Variants in RAI1 observed in about 807,000 individuals in gnomAD.
RAI1 encodes the protein retinoic acid induced 1.
A neutral mutation model predicts 123.8 loss-of-function variants in RAI1; 9 were observed. The ratio of observed to expected loss-of-function variants is 0.07; its 90% CI spans 0.04 to 0.13. RAI1 has a LOEUF of 0.13. RAI1 is among the 10% of genes least tolerant of loss of function. The probability of loss-of-function intolerance (pLI) is 1.00; values close to 1 mark genes in which losing one functional copy is unlikely to be tolerated. For missense variants in RAI1, 2,256 were observed against 2,545.8 expected (o/e 0.89, Z 2.45); for synonymous variants, 1,231 against 1,127.3 (o/e 1.09, Z -1.84).
At chr17:17,762,908 C>T (rs1201185443) in intron 2 of RAI1, among the ~76,000 whole-genome samples, 6 of 152,052 alleles carry the variant, frequency 3.9e-5, no homozygotes, top group Non-Finnish European at 5.9e-5. Flanking sequence ...GGGGCTGGCC[C>T]GATGATTGGC....
At chr17:17,745,405 TTG>T (rs112938506) in intron 2 of RAI1, among the ~76,000 whole-genome samples, 68 of 147,516 alleles carry the variant, frequency 4.6e-4, no homozygotes, top group African/African-American at 1.2e-3. Context: ...TTGAAGGCTT[TTG>T]TGTGTGTGTG....
rs2032281982 is a variant in RAI1, at chr17:17,796,959, C to G, written c.4011C>G (p.Thr1337=). Residue 1337 remains threonine, a synonymous_variant, in exon 3 of 6, where the codon ACC becomes ACG. Coordinates refer to ENST00000353383, the MANE Select transcript of RAI1 (RefSeq NM_030665.4). This position sits in a 1 kb window ranked among gnomAD's most constrained non-coding sequence, Gnocchi z 5.8. ...TGGAAGCCATCGTGCAGAAGATCAC[C>G]TCGCCCAGCCTCAAGAAGTTCGCAT... ...LKLEAIVQKI[T]SPSLKKFACK... is the part of the protein sequence containing the mutation. The G allele has an allele frequency of 6.2e-7, 1 of 1,613,736 alleles. No individual in the cohort carries two copies. Among genetic ancestry groups the G allele is most frequent in the African/African-American group, 1.3e-5 (1 of 75,044 alleles).
intron 1 of RAI1, among the ~76,000 whole-genome samples, chr17:17,717,464 G>C (rs560666585): frequency 3.2e-4 from 48 of 152,246 alleles, no homozygotes; most frequent in Non-Finnish European, 3.8e-4. Context: ...TGCTTCCCAA[G>C]TGAGACTGAG....
chr17:17,735,220 T>A (rs1037811153), intron 2 of RAI1, among the ~76,000 whole-genome samples: 1 of 150,718 alleles, frequency 6.6e-6, no homozygotes, highest in East Asian at 2.0e-4. Context: ...GCCCAGCTAA[T>A]ATTTTGTATT....
At chr17:17,743,427 C>T (rs1182971561) in intron 2 of RAI1, among the ~76,000 whole-genome samples, 2 of 152,228 alleles carry the variant, frequency 1.3e-5, no homozygotes, top group African/African-American at 4.8e-5. Context: ...TACTATATGC[C>T]AGGCCCCCAG....
At chr17:17,719,479 G>A (rs1467940390) in intron 1 of RAI1, among the ~76,000 whole-genome samples, 1 of 152,190 alleles carries the variant, frequency 6.6e-6, no homozygotes, top group African/African-American at 2.4e-5. Context: ...TCTGTCAAGT[G>A]TGTTCTCAAA....
chr17:17,764,539 C>G (rs2030842291), intron 2 of RAI1, among the ~76,000 whole-genome samples: 4 of 146,852 alleles, frequency 2.7e-5, no homozygotes, highest in African/African-American at 1.0e-4. Flanking sequence ...GTGGTGCGAT[C>G]TCGCCTCACT....
rs1310156716 is a variant in RAI1 at position 17,799,307 on chromosome 17, C to CA, written c.5565+795dup. 6.6e-6 allele frequency among the ~76,000 whole-genome samples: 1 copy of CA among 152,160 alleles called. No individual in the cohort carries two copies. Among genetic ancestry groups the CA allele is most frequent in the African/African-American group, 2.4e-5 (1 of 41,414 alleles). On this transcript the variant is annotated intron_variant, in intron 3 of 5. Coordinates refer to ENST00000353383, the MANE Select transcript of RAI1 (RefSeq NM_030665.4). This position sits in a 1 kb window ranked among gnomAD's most constrained non-coding sequence, Gnocchi z 4.5. ...GGTGGGCACCTCTGAGCCCACCGAG[C>CA]ACAGCAGCCCTGTGATAGTCAGTGC...
rs1018459821 is a variant in RAI1, at chr17:17,810,924, A to G, written c.*943A>G. 1 of 374,180 alleles carries G rather than the reference A, an allele frequency of 2.7e-6. No individual in the cohort carries two copies. Among genetic ancestry groups the G allele is most frequent in the African/African-American group, 2.1e-5 (1 of 46,722 alleles). 23.2% of individuals were successfully genotyped at this position (374,180 alleles called of 1,614,324 possible). A position where few individuals can be genotyped will look rare whatever the true frequency, so the allele number is the denominator to read the frequency against. ...GTGTACCCCTCTATATATATGTTAC[A>G]TAGAATGTATATATGTTGGGAACAT... On this transcript the variant is annotated 3_prime_UTR_variant, in exon 6 of 6. Transcript: ENST00000353383. This position sits in a 1 kb window ranked among gnomAD's most constrained non-coding sequence, Gnocchi z 4.6.
chr17:17,734,657 G>A (rs761574495), intron 2 of RAI1, among the ~76,000 whole-genome samples: 1 of 152,202 alleles, frequency 6.6e-6, no homozygotes, highest in African/African-American at 2.4e-5. Flanking sequence ...TGTCAGGGAC[G>A]GACCTGGTGC....
intron 1 of RAI1, among the ~76,000 whole-genome samples, chr17:17,683,183 A>T (rs1379896271): frequency 2.0e-5 from 3 of 152,150 alleles, no homozygotes; most frequent in Non-Finnish European, 4.4e-5. Context: ...CCTCGCGCTG[A>T]CGTCAGAGCA....
At chr17:17,740,120 G>A in intron 2 of RAI1, among the ~76,000 whole-genome samples, 1 of 152,234 alleles carries the variant, frequency 6.6e-6, no homozygotes, top group African/African-American at 2.4e-5. Flanking sequence ...CCCGCATGGG[G>A]TAAGCCCTGT....
At chr17:17,778,105 CCT>C (rs1041107800) in intron 2 of RAI1, 6 of 152,754 alleles carry the variant, frequency 3.9e-5, no homozygotes, top group East Asian at 1.9e-4. Flanking sequence ...CTGCAGAACC[CCT>C]GTCCCACCTG....
At chr17:17,715,181 CCT>C (rs967639192) in intron 1 of RAI1, among the ~76,000 whole-genome samples, 16 of 152,250 alleles carry the variant, frequency 1.1e-4, no homozygotes, top group African/African-American at 3.9e-4. Context: ...TTTTCCCAAT[CCT>C]CTCCTGGAGA....
In RAI1 at chr17:17,794,948, T is replaced by C. The variant is rs761774471; in HGVS notation, c.2000T>C (p.Leu667Pro). Residue 667 changes from leucine to proline, a missense_variant, in exon 3 of 6, where the codon CTG (leucine) becomes CCG (proline). By Grantham distance (98) the Leu-to-Pro change is moderately conservative (BLOSUM62 -3). Transcript: ENST00000353383. ...AWPRPGEPEA[L>P]PDSLQLDKGG... ...CCCCGGCCTGGGGAGCCGGAGGCCCTGCCCGACTCCTTGCAGCTGGACAAG... is the reference window on the plus strand; with the variant it reads ...CCCCGGCCTGGGGAGCCGGAGGCCCCGCCCGACTCCTTGCAGCTGGACAAG... 2 of 1,613,608 alleles carry C rather than the reference T, an allele frequency of 1.2e-6. No individual in the cohort carries two copies. The highest frequency in any genetic ancestry group is 4.5e-5 in the East Asian group (2 of 44,890).
chr17:17,757,127 G>T (rs758905529), intron 2 of RAI1, among the ~76,000 whole-genome samples: 13 of 152,134 alleles, frequency 8.5e-5, no homozygotes, highest in Non-Finnish European at 1.8e-4. Context: ...GGTCCAGGGA[G>T]AGCTCTTGGC....
At chr17:17,789,854 G>A (rs2031950369) in intron 2 of RAI1, among the ~76,000 whole-genome samples, 1 of 152,198 alleles carries the variant, frequency 6.6e-6, no homozygotes, top group Non-Finnish European at 1.5e-5. Flanking sequence ...CGTCCGGGCA[G>A]TGTGGTTGAG....
chr17:17,773,405 G>C (rs1224658453), intron 2 of RAI1, among the ~76,000 whole-genome samples: 1 of 152,074 alleles, frequency 6.6e-6, no homozygotes, highest in African/African-American at 2.4e-5. Context: ...TCTTCAGGGG[G>C]ACACCGATGC....
Position 17,810,713 on chromosome 17 carries a change from C to T in RAI1, c.*732C>T, listed in dbSNP as rs746171281. 7.1e-6 allele frequency: 3 copies of T among 423,144 alleles called. No individual in the cohort carries two copies. Among genetic ancestry groups the T allele is most frequent in the South Asian group, 3.2e-5 (2 of 61,588 alleles). 26.2% of individuals were successfully genotyped at this position (423,144 alleles called of 1,614,324 possible). On this transcript the variant is annotated 3_prime_UTR_variant, in exon 6 of 6. Transcript: ENST00000353383. This position sits in a 1 kb window ranked among gnomAD's most constrained non-coding sequence, Gnocchi z 4.6. ...GGGCGGGACTGGGACACCCTTTGGC[C>T]TCTGTTTGTCCCCTTTCCAGTCCTC...
Sources: allele counts gnomAD v4.1 joint callset (sites outside exome capture counted in the v4.1 genomes callset), GRCh38; gene constraint gnomAD v4.1.1; non-coding constraint Gnocchi (gnomAD v3.1); transcripts MANE v1.5; gene names NCBI Gene and HGNC (gene_info 2026-07-23, HGNC 2026-07-21).